The following RAD54L2 variants were observed in gnomAD, a reference collection of about 807,000 sequenced individuals.
The protein encoded by RAD54L2 is helicase ARIP4.
RAD54L2 carries 27 observed loss-of-function variants against 138.4 expected under a neutral mutation model. The observed-to-expected ratio is 0.20, with a 90% confidence interval of 0.14 to 0.27. RAD54L2 has a LOEUF of 0.27. Among genes scored for constraint, RAD54L2 ranks in the 10% least tolerant of loss-of-function variants. The pLI, the probability that RAD54L2 is intolerant of heterozygous loss-of-function variation, is 1.00. For missense variants in RAD54L2, 1,396 were observed against 1,890.2 expected, an observed-to-expected ratio of 0.74 and a Z score of 4.85; for synonymous variants, 644 against 723.2, an observed-to-expected ratio of 0.89 and a Z score of 1.76.
intron 18 of RAD54L2, 140 bp from the exon 19 acceptor site, chr3:51,646,145 G>T: frequency 1.4e-6 from 1 of 737,788 alleles, no homozygotes. Flanking sequence ...TTGACAGAAA[G>T]ACAGTAAACC....
chr3:51,605,364 C>G (rs990646893), intron 3 of RAD54L2, among the ~76,000 whole-genome samples: 11 of 151,398 alleles, frequency 7.3e-5, no homozygotes, highest in African/African-American at 2.2e-4. Flanking sequence ...GCTGAGATTA[C>G]AACTGTGAGC....
At chr3:51,544,797 C>A (rs143860123) in intron 2 of RAD54L2, among the ~76,000 whole-genome samples, 58 of 152,204 alleles carry the variant, frequency 3.8e-4, no homozygotes, top group African/African-American at 1.4e-3. Flanking sequence ...TACAAAATTT[C>A]TCCATGTTGG....
intron 19 of RAD54L2, among the ~76,000 whole-genome samples, chr3:51,652,627 G>A (rs1158636896): frequency 8.6e-5 from 13 of 152,018 alleles, no homozygotes; most frequent in Non-Finnish European, 1.3e-4. Flanking sequence ...AACACCACAC[G>A]TCTACAACCA....
At chr3:51,651,150 C>G (rs1278953194) in intron 19 of RAD54L2, among the ~76,000 whole-genome samples, 1 of 152,106 alleles carries the variant, frequency 6.6e-6, no homozygotes, top group Non-Finnish European at 1.5e-5. Context: ...AGAGAATACT[C>G]TAAACACCTC....
chr3:51,627,734 C>G lies in RAD54L2; in HGVS notation c.321C>G (p.Ser107=). 1 of 1,613,920 alleles carries G rather than the reference C, an allele frequency of 6.2e-7. No individual in the cohort carries two copies. Among genetic ancestry groups the G allele is most frequent in the Non-Finnish European group, 8.5e-7 (1 of 1,179,872 alleles). Residue 107 remains serine (S), a synonymous_variant, in exon 4 of 23, where the codon TCC becomes TCG. Coordinates refer to ENST00000684192, the MANE Select transcript of RAD54L2 (RefSeq NM_015106.4). ...AAAAGAAGAGAGCTCAGAAGCCCTC[C>G]CACATGAGAAGAAACATACGGTGAG... The part of the protein sequence containing the change: ...DPKKKRAQKP[S]HMRRNIRKLL...
chr3:51,616,415 G>T (rs897536874), intron 3 of RAD54L2, among the ~76,000 whole-genome samples: 1 of 151,782 alleles, frequency 6.6e-6, no homozygotes, highest in African/African-American at 2.4e-5. Context: ...TAGCAATATC[G>T]TAAGTTTTTT....
intron 2 of RAD54L2, among the ~76,000 whole-genome samples, chr3:51,543,634 A>G (rs1698613598): frequency 6.6e-6 from 1 of 151,854 alleles, no homozygotes. Flanking sequence ...AAAAGAGTAA[A>G]TAATACACCT....
rs373053017 is a variant in RAD54L2 at position 51,646,413 on chromosome 3, G to T, written c.2958G>T (p.Ser986=). The T allele has an allele frequency of 6.2e-7, 1 of 1,613,832 alleles. No homozygotes were observed. The highest frequency in any genetic ancestry group is 1.1e-5 in the South Asian group (1 of 91,032). ...CATCAGTCCCCTATACCCGCCCATC[G>T]TATGCGCAGTATTACCCTGCCAGCG... The part of the protein sequence containing the change: ...KRTSVPYTRP[S]YAQYYPASDQ... The change falls in exon 19 of 23, where the codon TCG becomes TCT. Residue 986 remains serine, a synonymous_variant. Coordinates refer to ENST00000684192, the MANE Select transcript of RAD54L2 (RefSeq NM_015106.4).
intron 2 of RAD54L2, among the ~76,000 whole-genome samples, chr3:51,569,512 T>C (rs1276698483): frequency 6.6e-6 from 1 of 152,108 alleles, no homozygotes; most frequent in Admixed American, 6.5e-5. Context: ...GTCTCCCAAG[T>C]AGCTGGGATT....
intron 2 of RAD54L2, among the ~76,000 whole-genome samples, chr3:51,555,596 TG>T: frequency 6.6e-6 from 1 of 152,228 alleles, no homozygotes; most frequent in African/African-American, 2.4e-5. Context: ...AGGCGGAGGT[TG>T]CAATGAGCAG....
intron 19 of RAD54L2, among the ~76,000 whole-genome samples, chr3:51,655,555 T>C (rs1240895321): frequency 6.6e-6 from 1 of 152,180 alleles, no homozygotes; most frequent in African/African-American, 2.4e-5. Context: ...TTTCCGTGGG[T>C]GAGTGGGGAA....
In RAD54L2 at chr3:51,638,687, T is replaced by A. The variant is rs1393333030; in HGVS notation, c.1860+366T>A. The stretch of plus-strand genomic sequence containing the variant: ...GACAAGTTATTAGGGGTACCTTCCA[T>A]TGGATTCCATACTTAATCAGATTGA... On this transcript the variant is annotated intron_variant, in intron 12 of 22. Coordinates refer to ENST00000684192, the MANE Select transcript of RAD54L2 (RefSeq NM_015106.4). The surrounding 1 kb of genome is among the most constrained non-coding windows in gnomAD (Gnocchi z 4.3). The A allele has an allele frequency of 1.1e-5, 2 of 186,198 alleles. No individual in the cohort carries two copies. Among genetic ancestry groups the A allele is most frequent in the African/African-American group, 4.7e-5 (2 of 42,712 alleles). 11.5% of individuals were successfully genotyped at this position (186,198 alleles called of 1,614,324 possible).
chr3:51,590,552 G>C lies in RAD54L2; in HGVS notation c.132G>C (p.Leu44=). 6.4e-7 allele frequency: 1 copy of C among 1,552,396 alleles called. No homozygotes were observed. Among genetic ancestry groups the C allele is most frequent in the Non-Finnish European group, 8.7e-7 (1 of 1,147,158 alleles). ...GTGACAGGGATGATGAAGAAGACCT[G>C]CTGGATGGTAAGTGGGCTCTATTGA... is the stretch of plus-strand genomic sequence containing the variant. ...EECDRDDEED[L]LDDPSLEGMC... is the part of the protein sequence containing the mutation. The change falls in exon 3 of 23, where the codon CTG becomes CTC. Residue 44 remains leucine (L), a synonymous_variant. Coordinates refer to ENST00000684192, the MANE Select transcript of RAD54L2 (RefSeq NM_015106.4).
At chr3:51,661,195 CAA>C (rs1248478106) in intron 22 of RAD54L2, among the ~76,000 whole-genome samples, 1 of 152,124 alleles carries the variant, frequency 6.6e-6, no homozygotes, top group Non-Finnish European at 1.5e-5. Context: ...CTCCTGACCT[CAA>C]GTGATCCACT....
chr3:51,622,335 C>A (rs1285921765), intron 3 of RAD54L2, among the ~76,000 whole-genome samples: 1 of 152,126 alleles, frequency 6.6e-6, no homozygotes, highest in Admixed American at 6.6e-5. Context: ...TGCTTGCCAC[C>A]CTAGCCTCTG....
intron 19 of RAD54L2, among the ~76,000 whole-genome samples, chr3:51,650,042 T>C (rs1056256255): frequency 5.3e-5 from 8 of 151,998 alleles, no homozygotes; most frequent in Non-Finnish European, 1.0e-4. Context: ...AGGAGACCCA[T>C]CTCACGTGCA....
chr3:51,597,446 G>T (rs1459222965), intron 3 of RAD54L2, among the ~76,000 whole-genome samples: 1 of 152,098 alleles, frequency 6.6e-6, no homozygotes, highest in South Asian at 2.1e-4. Flanking sequence ...AGGAGGTTCG[G>T]TACTTTAACT....
intron 7 of RAD54L2, among the ~76,000 whole-genome samples, chr3:51,632,992 G>A (rs779378452): frequency 1.3e-5 from 2 of 151,658 alleles, no homozygotes; most frequent in Non-Finnish European, 2.9e-5. Context: ...GACCGAGGGG[G>A]GCAGGTCACC....
At chr3:51,607,085 T>A (rs1364111767) in intron 3 of RAD54L2, among the ~76,000 whole-genome samples, 1 of 149,404 alleles carries the variant, frequency 6.7e-6, no homozygotes, top group Non-Finnish European at 1.5e-5. Flanking sequence ...TTTATTTTTT[T>A]ATTTTTTATT....
Sources: gnomAD v4.1 joint callset for allele counts (sites outside exome capture counted in the v4.1 genomes callset) on GRCh38, gnomAD v4.1.1 for gene constraint, Gnocchi (gnomAD v3.1) non-coding constraint, MANE v1.5 for transcripts, NCBI Gene and HGNC (gene_info 2026-07-23, HGNC 2026-07-21) for gene names.